SERGEF: variants seen among roughly 807,000 people sequenced by gnomAD.
SERGEF encodes the protein secretion regulating guanine nucleotide exchange factor.
A neutral mutation model predicts 50.0 loss-of-function variants in SERGEF; 51 were observed. The observed-to-expected ratio is 1.02, with a 90% confidence interval of 0.81 to 1.29. The LOEUF (loss-of-function observed/expected upper bound fraction) is 1.29. SERGEF is among the 50% of genes most tolerant of loss of function. The pLI, the probability that SERGEF is intolerant of heterozygous loss-of-function variation, is 0.00. For missense variants in SERGEF, 521 were observed against 557.0 expected, an observed-to-expected ratio of 0.94 and a Z score of 0.65; for synonymous variants, 205 against 212.4, an observed-to-expected ratio of 0.97 and a Z score of 0.30.
chr11:17,892,479 C>G (rs1307468536), intron 9 of SERGEF, among the ~76,000 whole-genome samples: 1 of 152,156 alleles, frequency 6.6e-6, no homozygotes, highest in African/African-American at 2.4e-5. Context: ...TCAGCCAAGA[C>G]CTAGGCATGG....
intron 9 of SERGEF, among the ~76,000 whole-genome samples, chr11:17,882,123 T>C (rs1565193952): frequency 1.3e-5 from 2 of 152,204 alleles, no homozygotes; most frequent in African/African-American, 4.8e-5. Flanking sequence ...GTAAATCTTT[T>C]AAGACTGCTC....
chr11:17,939,932 C>G (rs1455269054), intron 9 of SERGEF, among the ~76,000 whole-genome samples: 4 of 152,184 alleles, frequency 2.6e-5, no homozygotes, highest in African/African-American at 9.6e-5. Context: ...GCAAGAATGT[C>G]ACCAATATTT....
intron 8 of SERGEF, among the ~76,000 whole-genome samples, chr11:17,980,415 T>C (rs568096643): frequency 1.8e-3 from 277 of 152,332 alleles, no homozygotes; most frequent in African/African-American, 6.4e-3. Flanking sequence ...TGGGAATAGA[T>C]GGCAAAGGAG....
intron 9 of SERGEF, among the ~76,000 whole-genome samples, chr11:17,911,402 T>C (rs889525721): frequency 3.4e-5 from 5 of 148,836 alleles, no homozygotes; most frequent in East Asian, 1.9e-4. Context: ...CACATATATA[T>C]ACACACACAC....
chr11:17,882,513 T>C (rs1385987492), intron 9 of SERGEF, among the ~76,000 whole-genome samples: 2 of 152,016 alleles, frequency 1.3e-5, no homozygotes, highest in East Asian at 3.9e-4. Flanking sequence ...AGCTGCCCCG[T>C]CCTGGCTATT....
chr11:17,822,618 G>A (rs1176642849), intron 10 of SERGEF, among the ~76,000 whole-genome samples: 1 of 152,178 alleles, frequency 6.6e-6, no homozygotes, highest in African/African-American at 2.4e-5. Flanking sequence ...ATCTGCATTT[G>A]AACAATAACG....
intron 10 of SERGEF, among the ~76,000 whole-genome samples, chr11:17,809,252 C>T (rs1338088319): frequency 6.6e-6 from 1 of 152,086 alleles, no homozygotes; most frequent in Non-Finnish European, 1.5e-5. Context: ...GTGGTAGTTC[C>T]ACTTGGTGGA....
At chr11:17,815,437 A>C (rs1590130904) in intron 10 of SERGEF, among the ~76,000 whole-genome samples, 1 of 32,546 alleles carries the variant, frequency 3.1e-5, no homozygotes, top group Admixed American at 5.5e-4. Flanking sequence ...CATCTCTACT[A>C]AAAAAAAAAA....
intron 9 of SERGEF, among the ~76,000 whole-genome samples, chr11:17,951,194 T>C (rs952715107): frequency 2.0e-5 from 3 of 152,206 alleles, no homozygotes; most frequent in African/African-American, 7.2e-5. Context: ...TAACAAAACC[T>C]GTACCCGAAG....
chr11:17,836,346 G>C (rs1232981520), intron 10 of SERGEF, among the ~76,000 whole-genome samples: 4 of 152,208 alleles, frequency 2.6e-5, no homozygotes, highest in African/African-American at 9.7e-5. Flanking sequence ...TATGGGCCAA[G>C]GGCATCCACT....
At chr11:17,993,786 C>A (rs1853770988) in intron 6 of SERGEF, among the ~76,000 whole-genome samples, 1 of 152,118 alleles carries the variant, frequency 6.6e-6, no homozygotes, top group South Asian at 2.1e-4. Context: ...GTACTGGGCC[C>A]CTAATGGCCA....
intron 8 of SERGEF, among the ~76,000 whole-genome samples, chr11:17,977,816 G>C (rs1565221055): frequency 1.3e-5 from 2 of 152,164 alleles, no homozygotes; most frequent in Admixed American, 1.3e-4. Flanking sequence ...GAGAGTCTAT[G>C]AACCAGGAGG....
At chr11:17,860,307 T>A (rs1172243344) in intron 10 of SERGEF, among the ~76,000 whole-genome samples, 2 of 152,208 alleles carry the variant, frequency 1.3e-5, no homozygotes, top group Non-Finnish European at 2.9e-5. Flanking sequence ...TATCATGATA[T>A]ATTACTTGGC....
chr11:17,870,429 T>C (rs909513544), intron 10 of SERGEF, among the ~76,000 whole-genome samples: 1 of 152,174 alleles, frequency 6.6e-6, no homozygotes, highest in Non-Finnish European at 1.5e-5. Context: ...GCTTTGAAGA[T>C]GGAAGAGGTC....
chr11:17,845,193 C>T (rs558461851), intron 10 of SERGEF, among the ~76,000 whole-genome samples: 3 of 152,318 alleles, frequency 2.0e-5, no homozygotes, highest in South Asian at 2.1e-4. Flanking sequence ...TGTCAGCAAA[C>T]TCTACATGCT....
intron 8 of SERGEF, among the ~76,000 whole-genome samples, chr11:17,962,062 G>A (rs889708941): frequency 3.3e-5 from 5 of 152,110 alleles, no homozygotes; most frequent in South Asian, 2.1e-4. Flanking sequence ...CCAAATAGTC[G>A]AATCAAGATT....
Position 18,008,218 on chromosome 11 carries a change from A to G in SERGEF, c.61-142T>C. Reference sequence around the variant, plus strand: ...TTTATTAGGCTCATTCTTTTTTAAAAAAAAATTTTTAGCTCCTTCACGGCA... The same window carrying G: ...TTTATTAGGCTCATTCTTTTTTAAAGAAAAATTTTTAGCTCCTTCACGGCA... On this transcript the variant is annotated intron_variant, in intron 1 of 10. Transcript: ENST00000265965. 3.6e-6 allele frequency: 3 copies of G among 838,618 alleles called. No homozygotes were observed. The South Asian group carries it at 8.2e-5, about 23-fold the overall frequency. The allele number at this position is 838,618 out of a possible 1,614,324, so 51.9% of individuals were successfully genotyped here.
At position 17,934,619 on chromosome 11, in the gene SERGEF, C is replaced by T. The variant is rs1852415723; in HGVS notation, c.1011+24851G>A. ...AATGTAAAAACTTTATAAAGACCCC[C>T]TAATCCTCTGGCAATTCCAAAACAG... On this transcript the variant is annotated intron_variant, in intron 9 of 10. Transcript: ENST00000265965. Among the ~76,000 whole-genome samples the T allele has an allele frequency of 2.0e-5, 3 of 152,114 alleles. No homozygotes were observed. The South Asian group carries it at 6.2e-4, about 32-fold the overall frequency.
intron 10 of SERGEF, among the ~76,000 whole-genome samples, chr11:17,863,931 G>T (rs567368096): frequency 1.3e-5 from 2 of 152,356 alleles, no homozygotes; most frequent in East Asian, 1.9e-4. Flanking sequence ...GACAGACTTT[G>T]AGAGTTGCAG....
Sources: gnomAD v4.1 joint callset for allele counts (sites outside exome capture counted in the v4.1 genomes callset) on GRCh38, gnomAD v4.1.1 for gene constraint, MANE v1.5 for transcripts, NCBI Gene and HGNC (gene_info 2026-07-23, HGNC 2026-07-21) for gene names.